The following CUL1 variants were observed in gnomAD, a reference collection of about 807,000 sequenced individuals.
The protein encoded by CUL1 is cullin 1, also known as cullin-1.
CUL1 carries 24 observed loss-of-function variants against 118.0 expected under a neutral mutation model. The observed-to-expected ratio is 0.20, with a 90% CI of 0.15 to 0.29. The LOEUF (loss-of-function observed/expected upper bound fraction) is 0.29. Ranked by LOEUF, CUL1 falls within the 10% of genes least tolerant of loss-of-function variation. The probability of loss-of-function intolerance (pLI) is 1.00; values close to 1 mark genes in which losing one functional copy is unlikely to be tolerated. For synonymous variants in CUL1, 332 were observed against 340.4 expected (o/e 0.98, Z 0.27); for missense variants, 361 against 933.8 (o/e 0.39, Z 7.99).
intron 2 of CUL1, among the ~76,000 whole-genome samples, chr7:148,743,836 C>A (rs914825315): frequency 6.6e-6 from 1 of 152,156 alleles, no homozygotes; most frequent in African/African-American, 2.4e-5. Context: ...GCAGGAGAAT[C>A]GCTTGAACCT....
chr7:148,739,877 C>T (rs1207453468), intron 2 of CUL1, among the ~76,000 whole-genome samples: 4 of 152,052 alleles, frequency 2.6e-5, no homozygotes, highest in Non-Finnish European at 5.9e-5. Flanking sequence ...TGTGATCCAC[C>T]TGGAGTTAAC....
At chr7:148,707,733 T>G (rs1195771149) in intron 1 of CUL1, among the ~76,000 whole-genome samples, 1 of 152,242 alleles carries the variant, frequency 6.6e-6, no homozygotes, top group Non-Finnish European at 1.5e-5. Context: ...ATGGTTTAAC[T>G]ACAAAGTTGT....
chr7:148,711,155 T>G (rs1412139341), intron 1 of CUL1, among the ~76,000 whole-genome samples: 1 of 152,216 alleles, frequency 6.6e-6, no homozygotes, highest in Non-Finnish European at 1.5e-5. Flanking sequence ...TTATTTATTC[T>G]TGACTGATTT....
intron 2 of CUL1, among the ~76,000 whole-genome samples, chr7:148,748,002 A>G (rs1799358146): frequency 6.6e-6 from 1 of 152,246 alleles, no homozygotes; most frequent in Non-Finnish European, 1.5e-5. Context: ...GAATCTTCCA[A>G]AATTGTTGCA....
chr7:148,719,887 G>A (rs2129459275), intron 1 of CUL1, among the ~76,000 whole-genome samples: 1 of 152,312 alleles, frequency 6.6e-6, no homozygotes, highest in East Asian at 1.9e-4. Context: ...ACTCTTGGTA[G>A]CACACTTCTT....
intron 1 of CUL1, among the ~76,000 whole-genome samples, chr7:148,722,323 TC>T (rs1214065196): frequency 6.6e-6 from 1 of 152,156 alleles, no homozygotes. Context: ...GGATTGGGAC[TC>T]CCCACTCCAC....
rs1400011334 is a variant in CUL1 at position 148,760,567 on chromosome 7, CAT to C, written c.789+75_789+76del. On this transcript the variant is annotated intron_variant, in intron 7 of 21. Coordinates refer to ENST00000325222, the MANE Select transcript of CUL1 (RefSeq NM_003592.3). The stretch of plus-strand genomic sequence containing the variant: ...TGCTACTCAAGTGAGTTCTTTTTAG[CAT>C]ATACAGCTTTCTTTACAAGTCATTT... The C allele has an allele frequency of 3.7e-6, 4 of 1,078,850 alleles. No individual in the cohort carries two copies. In the South Asian group the frequency reaches 7.1e-5, roughly 19 times the overall value. The allele number at this position is 1,078,850 out of a possible 1,614,324, so 66.8% of individuals were successfully genotyped here.
chr7:148,729,863 C>T (rs1798700393), intron 1 of CUL1, 99 bp from the exon 2 acceptor site: 1 of 378,700 alleles, frequency 2.6e-6, no homozygotes, highest in South Asian at 6.6e-5. Flanking sequence ...GAAATGGTCT[C>T]TAGAGTGGGC....
In CUL1 at chr7:148,776,307, C is replaced by CTTTTTTTTTTTTTTTTTTTTTTTTT. The variant is rs746777462; in HGVS notation, c.1084-7473_1084-7449dup. Among the ~76,000 whole-genome samples, 8 of 40,690 alleles carry CTTTTTTTTTTTTTTTTTTTTTTTTT rather than the reference C, an allele frequency of 2.0e-4. 2 individuals are homozygous for CTTTTTTTTTTTTTTTTTTTTTTTTT. Among genetic ancestry groups the CTTTTTTTTTTTTTTTTTTTTTTTTT allele is most frequent in the Non-Finnish European group, 1.6e-4 (4 of 24,318 alleles). The allele number at this position is 40,690 out of a possible 152,430, so 26.7% of individuals were successfully genotyped here. Reference sequence around the variant, plus strand: ...CATTTTGGAGTCTAACATAACCAGGCTTTTTTTTTTTTTTTTTTTTTTTTT... The same window carrying CTTTTTTTTTTTTTTTTTTTTTTTTT: ...CATTTTGGAGTCTAACATAACCAGGCTTTTTTTTTTTTTTTTTTTTTTTTTTTTTTTTTTTTTTTTTTTTTTTTTT... On this transcript the variant is annotated intron_variant, in intron 9 of 21. Coordinates refer to ENST00000325222, the MANE Select transcript of CUL1 (RefSeq NM_003592.3).
At chr7:148,761,950 C>T (rs1364712232) in intron 7 of CUL1, among the ~76,000 whole-genome samples, 1 of 152,168 alleles carries the variant, frequency 6.6e-6, no homozygotes, top group South Asian at 2.1e-4. Context: ...CAGTAGGGTT[C>T]GAGCTCCTAT....
intron 1 of CUL1, among the ~76,000 whole-genome samples, chr7:148,714,527 A>C: frequency 6.6e-6 from 1 of 152,208 alleles, no homozygotes; most frequent in Non-Finnish European, 1.5e-5. Context: ...GAAAACTTAA[A>C]AATGAATGAA....
chr7:148,730,294 T>TA (rs1563152571), intron 2 of CUL1, 32 bp downstream of exon 2: 5 of 1,574,670 alleles, frequency 3.2e-6, no homozygotes, highest in Admixed American at 1.9e-5. Flanking sequence ...GTTGATTGCT[T>TA]AGAGTTTTGA....
At chr7:148,778,398 A>G (rs1800491960) in intron 9 of CUL1, among the ~76,000 whole-genome samples, 1 of 152,108 alleles carries the variant, frequency 6.6e-6, no homozygotes, top group Admixed American at 6.6e-5. Flanking sequence ...GGTGGTGGGG[A>G]TACCATTGAG....
intron 9 of CUL1, among the ~76,000 whole-genome samples, chr7:148,770,333 G>A (rs1800167680): frequency 6.6e-6 from 1 of 152,174 alleles, no homozygotes; most frequent in Non-Finnish European, 1.5e-5. Context: ...GTGAAGAAGA[G>A]TTATAGCTCA....
Position 148,701,072 on chromosome 7 carries a change from C to T in CUL1, c.-162+2043C>T, listed in dbSNP as rs1403821673. On this transcript the variant is annotated intron_variant, in intron 1 of 21. Transcript: ENST00000325222. ...CATTTCCGATTGTGAATTCCTCCAG[C>T]GCAGGAGATATTCCTTATTTGTTTT... 2.6e-5 allele frequency among the ~76,000 whole-genome samples: 4 copies of T among 152,266 alleles called. No individual in the cohort carries two copies. The South Asian group carries it at 8.3e-4, about 32-fold the overall frequency.
chr7:148,734,041 GA>G (rs1022497939), intron 2 of CUL1, among the ~76,000 whole-genome samples: 21 of 82,052 alleles, frequency 2.6e-4, no homozygotes, highest in Non-Finnish European at 3.9e-4. Flanking sequence ...AAAAAAAAAA[GA>G]AAAGAAAAGA....
intron 9 of CUL1, among the ~76,000 whole-genome samples, chr7:148,777,370 G>A (rs1323154633): frequency 6.6e-6 from 1 of 152,246 alleles, no homozygotes; most frequent in East Asian, 1.9e-4. Context: ...ATGAGAAAAG[G>A]TTGGACGTGG....
At chr7:148,762,594 A>G (rs75430223) in intron 7 of CUL1, among the ~76,000 whole-genome samples, 3,889 of 152,338 alleles carry the variant, frequency 0.026, 158 homozygotes, top group African/African-American at 0.089. Context: ...TTAATATGAC[A>G]GTGTTGTATT....
chr7:148,799,706 C>T (rs769969710), intron 21 of CUL1, among the ~76,000 whole-genome samples: 27 of 149,988 alleles, frequency 1.8e-4, no homozygotes, highest in South Asian at 6.5e-4. Context: ...AAATCACTGT[C>T]GTGTCTTCTG....
Sources: gnomAD v4.1 joint callset for allele counts (sites outside exome capture counted in the v4.1 genomes callset) on GRCh38, gnomAD v4.1.1 for gene constraint, MANE v1.5 for transcripts, NCBI Gene and HGNC (gene_info 2026-07-23, HGNC 2026-07-21) for gene names.